The following ROBO2 variants were observed in gnomAD, a reference collection of about 807,000 sequenced individuals.
The protein encoded by ROBO2 is roundabout guidance receptor 2.
ROBO2 carries 53 observed loss-of-function variants against 160.8 expected under a neutral mutation model. The ratio of observed to expected loss-of-function variants is 0.33; its 90% CI spans 0.26 to 0.41. ROBO2 has a LOEUF of 0.41. ROBO2 is among the 10% of genes least tolerant of loss of function. The probability of loss-of-function intolerance (pLI) is 1.00; values close to 1 mark genes in which losing one functional copy is unlikely to be tolerated. For missense variants in ROBO2, 1,577 were observed against 1,722.4 expected (o/e 0.92, Z 1.49); for synonymous variants, 664 against 611.7 (o/e 1.09, Z -1.26).
chr3:76,576,201 T>C (rs1214408730), intron 2 of ROBO2, among the ~76,000 whole-genome samples: 1 of 152,150 alleles, frequency 6.6e-6, no homozygotes, highest in Non-Finnish European at 1.5e-5. Context: ...TTAACTTTTG[T>C]TGAATTTCTT....
chr3:76,052,060 C>G (rs2107820631), intron 2 of ROBO2, among the ~76,000 whole-genome samples: 1 of 152,132 alleles, frequency 6.6e-6, no homozygotes, highest in Non-Finnish European at 1.5e-5. Flanking sequence ...ATCAGACATT[C>G]TTTTACACAC....
At chr3:76,189,298 GA>G (rs751057712) in intron 2 of ROBO2, among the ~76,000 whole-genome samples, 13 of 151,760 alleles carry the variant, frequency 8.6e-5, no homozygotes, top group Admixed American at 3.3e-4. Flanking sequence ...AACACAATGG[GA>G]AAAAAAGGTG....
intron 2 of ROBO2, among the ~76,000 whole-genome samples, chr3:76,739,396 T>A (rs908769797): frequency 6.7e-6 from 1 of 148,836 alleles, no homozygotes; most frequent in African/African-American, 2.5e-5. Context: ...AACCAAACAC[T>A]GCATGTTCTC....
intron 2 of ROBO2, among the ~76,000 whole-genome samples, chr3:76,374,930 G>T (rs539754536): frequency 6.7e-6 from 1 of 149,558 alleles, no homozygotes; most frequent in South Asian, 2.1e-4. Flanking sequence ...ACTATCGTAC[G>T]CTTTCTTCTT....
intron 17 of ROBO2, among the ~76,000 whole-genome samples, chr3:77,593,393 A>G (rs932517916): frequency 1.3e-5 from 2 of 152,196 alleles, no homozygotes; most frequent in Non-Finnish European, 2.9e-5. Flanking sequence ...AACGGGCACA[A>G]TGTGGGACAG....
intron 2 of ROBO2, among the ~76,000 whole-genome samples, chr3:76,919,036 A>T (rs1240319300): frequency 1.3e-5 from 2 of 151,558 alleles, no homozygotes; most frequent in Non-Finnish European, 1.5e-5. Context: ...CTTTCTTGTA[A>T]ATTTGCTTGA....
At chr3:76,881,239 T>C (rs1415428009) in intron 2 of ROBO2, among the ~76,000 whole-genome samples, 1 of 152,176 alleles carries the variant, frequency 6.6e-6, no homozygotes, top group Non-Finnish European at 1.5e-5. Context: ...TCCTTAAAAC[T>C]GAAGACACTA....
chr3:76,642,287 C>T (rs1386333527), intron 2 of ROBO2, among the ~76,000 whole-genome samples: 3 of 149,696 alleles, frequency 2.0e-5, no homozygotes, highest in African/African-American at 7.4e-5. Context: ...AGACCTTGAC[C>T]GCTGTGATTT....
At chr3:76,317,214 A>G (rs542092366) in intron 2 of ROBO2, among the ~76,000 whole-genome samples, 37 of 152,232 alleles carry the variant, frequency 2.4e-4, no homozygotes, top group Non-Finnish European at 4.8e-4. Context: ...TGATGAATGG[A>G]CAAAGTACAT....
chr3:77,602,042 A>C (rs1211293365), intron 19 of ROBO2, among the ~76,000 whole-genome samples, 168 bp from the exon 21 acceptor site: 1 of 152,210 alleles, frequency 6.6e-6, no homozygotes, highest in East Asian at 1.9e-4. Flanking sequence ...ACTGAGGCTG[A>C]TAGCTTGGCG....
At chr3:76,097,006 A>G (rs2069479304) in intron 2 of ROBO2, among the ~76,000 whole-genome samples, 1 of 152,180 alleles carries the variant, frequency 6.6e-6, no homozygotes, top group African/African-American at 2.4e-5. Flanking sequence ...GTTCTCCTGG[A>G]AACCTGGTAA....
chr3:75,978,260 A>G (rs2065183575), intron 2 of ROBO2, among the ~76,000 whole-genome samples: 1 of 151,544 alleles, frequency 6.6e-6, no homozygotes, highest in Admixed American at 6.6e-5. Flanking sequence ...TCTAGTGAAT[A>G]CACTAATGGG....
chr3:77,181,049 A>G (rs531552859), intron 2 of ROBO2, among the ~76,000 whole-genome samples: 2 of 152,222 alleles, frequency 1.3e-5, no homozygotes, highest in East Asian at 1.9e-4. Flanking sequence ...GTAATCCCCT[A>G]ACTGTGACCT....
intron 2 of ROBO2, among the ~76,000 whole-genome samples, chr3:76,198,975 A>T (rs566465875): frequency 6.6e-6 from 1 of 152,296 alleles, no homozygotes; most frequent in South Asian, 2.1e-4. Flanking sequence ...CCTTGGGTAC[A>T]TGTTCTCAAT....
chr3:76,466,495 T>C (rs2324545), intron 2 of ROBO2, among the ~76,000 whole-genome samples: 41,052 of 151,788 alleles, frequency 0.27, 6,938 homozygotes, highest in East Asian at 0.38. Flanking sequence ...TATTTTTTTG[T>C]TCCATGGAAA....
At chr3:76,070,773 T>A (rs1473775036) in intron 2 of ROBO2, among the ~76,000 whole-genome samples, 6 of 152,092 alleles carry the variant, frequency 3.9e-5, no homozygotes, top group African/African-American at 1.2e-4. Context: ...CTCTCTTTCA[T>A]ACTCTGTCCC....
intron 2 of ROBO2, among the ~76,000 whole-genome samples, chr3:76,299,593 T>C (rs980838612): frequency 6.6e-6 from 1 of 152,102 alleles, no homozygotes; most frequent in African/African-American, 2.4e-5. Context: ...AGAAAAGATA[T>C]GGTATGACTT....
intron 2 of ROBO2, among the ~76,000 whole-genome samples, chr3:76,916,032 T>A (rs2076283066): frequency 6.6e-6 from 1 of 151,978 alleles, no homozygotes; most frequent in Non-Finnish European, 1.5e-5. Context: ...CCTAATCACC[T>A]CCCAAAGGCC....
chr3:75,907,239 T>C (rs1236633715), intron 1 of ROBO2, among the ~76,000 whole-genome samples: 8 of 152,188 alleles, frequency 5.3e-5, no homozygotes, highest in Admixed American at 5.2e-4. Flanking sequence ...GACAAGCTTT[T>C]AAGACGGAAA....
Sources: gnomAD v4.1 joint callset for allele counts (sites outside exome capture counted in the v4.1 genomes callset) on GRCh38, gnomAD v4.1.1 for gene constraint, MANE v1.5 for transcripts, NCBI Gene and HGNC (gene_info 2026-07-23, HGNC 2026-07-21) for gene names.